Variants in DCC observed in about 807,000 individuals in gnomAD.
The protein encoded by DCC is netrin receptor DCC.
A neutral mutation model predicts 172.5 loss-of-function variants in DCC; 58 were observed. The ratio of observed to expected loss-of-function variants is 0.34; its 90% CI spans 0.27 to 0.42. The LOEUF is 0.42. DCC is among the 10% of genes least tolerant of loss of function. DCC has a pLI of 1.00. For missense variants in DCC, 1,740 were observed against 1,791.0 expected (o/e 0.97, Z 0.51); for synonymous variants, 709 against 644.5 (o/e 1.10, Z -1.52).
At chr18:52,895,094 G>A (rs1477765734) in intron 2 of DCC, among the ~76,000 whole-genome samples, 2 of 152,110 alleles carry the variant, frequency 1.3e-5, no homozygotes, top group Non-Finnish European at 2.9e-5. Context: ...ATAGGGAAAG[G>A]GTGGTGACAG....
At chr18:53,416,553 G>A (rs748749174) in intron 21 of DCC, 16 of 250,856 alleles carry the variant, frequency 6.4e-5, no homozygotes, top group Non-Finnish European at 1.1e-4. Context: ...GAGAAAACCC[G>A]TAAATTATGT....
At chr18:53,113,331 G>A (rs559924320) in intron 7 of DCC, among the ~76,000 whole-genome samples, 1 of 151,278 alleles carries the variant, frequency 6.6e-6, no homozygotes, top group East Asian at 2.0e-4. Context: ...TTATTAATTC[G>A]ATTTCAATAC....
chr18:52,959,998 A>G (rs944298099), intron 5 of DCC, among the ~76,000 whole-genome samples: 3 of 152,074 alleles, frequency 2.0e-5, no homozygotes, highest in Admixed American at 6.6e-5. Context: ...CATGCTAGAC[A>G]CTGAAATTAC....
In DCC at chr18:53,352,923, G is replaced by A. The variant is rs1383695303; in HGVS notation, c.2359+13016G>A. ...GCTATAACTGTTTTGCTTCTTCAGT[G>A]GTTGCTTTAAAATTTATATTATATA... On this transcript the variant is annotated intron_variant, in intron 15 of 28. Coordinates refer to ENST00000442544, the MANE Select transcript of DCC (RefSeq NM_005215.4). Among the ~76,000 whole-genome samples the A allele has an allele frequency of 2.6e-5, 4 of 151,988 alleles. No individual in the cohort carries two copies. In the East Asian group the frequency reaches 7.7e-4, roughly 29 times the overall value.
intron 25 of DCC, among the ~76,000 whole-genome samples, chr18:53,472,735 AT>A (rs1334838773): frequency 3.3e-5 from 5 of 152,266 alleles, no homozygotes; most frequent in African/African-American, 1.2e-4. Flanking sequence ...CGGCTCTAGC[AT>A]CTTCCAGACT....
chr18:53,470,737 A>G (rs372108915), intron 25 of DCC, among the ~76,000 whole-genome samples: 5 of 152,066 alleles, frequency 3.3e-5, no homozygotes, highest in East Asian at 1.9e-4. Context: ...GAGAGAGAGA[A>G]AAAACGAAGG....
intron 1 of DCC, among the ~76,000 whole-genome samples, chr18:52,628,194 C>T (rs190065392): frequency 1.9e-3 from 283 of 152,090 alleles, no homozygotes; most frequent in Middle Eastern, 3.4e-3. Flanking sequence ...CCTTGAAAGA[C>T]TTTTTTTTCA....
chr18:53,116,387 T>C (rs2043409406), intron 7 of DCC, among the ~76,000 whole-genome samples: 3 of 151,716 alleles, frequency 2.0e-5, no homozygotes, highest in Non-Finnish European at 3.0e-5. Flanking sequence ...AGTGACAAAG[T>C]CATCTAGTTG....
At chr18:53,116,695 C>A (rs777888999) in intron 7 of DCC, among the ~76,000 whole-genome samples, 1 of 151,638 alleles carries the variant, frequency 6.6e-6, no homozygotes, top group African/African-American at 2.4e-5. Context: ...TGCTTTAAAT[C>A]CAGTTCAATA....
chr18:52,362,374 C>A (rs1358237439), intron 1 of DCC, among the ~76,000 whole-genome samples: 1 of 152,174 alleles, frequency 6.6e-6, no homozygotes, highest in Non-Finnish European at 1.5e-5. Context: ...TGAATTTATG[C>A]CAAGACCTCA....
At chr18:53,511,555 C>A (rs1434688260) in intron 27 of DCC, among the ~76,000 whole-genome samples, 2 of 152,230 alleles carry the variant, frequency 1.3e-5, no homozygotes, top group Non-Finnish European at 2.9e-5. Flanking sequence ...GTACCGGGTT[C>A]ATCTCACTAG....
chr18:53,285,191 C>T (rs1305419906), intron 12 of DCC, among the ~76,000 whole-genome samples: 1 of 152,150 alleles, frequency 6.6e-6, no homozygotes, highest in Non-Finnish European at 1.5e-5. Context: ...GAATGTTAAT[C>T]CCCAAAGCAA....
Position 53,182,948 on chromosome 18 carries a change from G to A in DCC, c.1573+3832G>A, listed in dbSNP as rs189752421. Among the ~76,000 whole-genome samples, 166 of 152,214 alleles carry A rather than the reference G, an allele frequency of 1.1e-3. 1 individual carries two copies. The highest frequency in any genetic ancestry group is 6.5e-4 in the Non-Finnish European group (44 of 67,972). ...GTGGCAAGATCAGGTTAAAGAAAACGTTTTCATCAATATTTCTTTTCTGAC... is the reference window on the plus strand; with the variant it reads ...GTGGCAAGATCAGGTTAAAGAAAACATTTTCATCAATATTTCTTTTCTGAC... On this transcript the variant is annotated intron_variant, in intron 9 of 28. Coordinates refer to ENST00000442544, the MANE Select transcript of DCC (RefSeq NM_005215.4).
intron 12 of DCC, among the ~76,000 whole-genome samples, chr18:53,269,671 A>G (rs750117639): frequency 2.0e-5 from 3 of 152,158 alleles, no homozygotes; most frequent in African/African-American, 4.8e-5. Flanking sequence ...TGATAGCTCC[A>G]TGTGGTCAAG....
At chr18:52,717,448 T>TTTTC (rs1555651531) in intron 1 of DCC, among the ~76,000 whole-genome samples, 4 of 145,554 alleles carry the variant, frequency 2.7e-5, no homozygotes, top group Admixed American at 6.9e-5. Context: ...TTTTTTTTTT[T>TTTTC]CCAAAAAAAG....
intron 1 of DCC, among the ~76,000 whole-genome samples, chr18:52,376,219 A>T (rs2144311647): frequency 6.6e-6 from 1 of 152,298 alleles, no homozygotes; most frequent in East Asian, 1.9e-4. Flanking sequence ...TGAGGTCCTC[A>T]ATTGGAGGAA....
At chr18:52,538,400 G>C (rs887244001) in intron 1 of DCC, among the ~76,000 whole-genome samples, 12 of 152,128 alleles carry the variant, frequency 7.9e-5, no homozygotes, top group African/African-American at 2.2e-4. Flanking sequence ...TACTGTTACA[G>C]TAAGACAATA....
chr18:53,389,415 G>A (rs187434841), intron 16 of DCC, among the ~76,000 whole-genome samples: 23 of 152,212 alleles, frequency 1.5e-4, no homozygotes, highest in African/African-American at 5.5e-4. Flanking sequence ...GCACGATAAC[G>A]CTCTGCTTTG....
At chr18:52,634,392 A>G (rs932608807) in intron 1 of DCC, among the ~76,000 whole-genome samples, 3 of 152,230 alleles carry the variant, frequency 2.0e-5, no homozygotes, top group African/African-American at 7.2e-5. Context: ...TTGTAAATTC[A>G]TTACCAAAGT....
Sources: gnomAD v4.1 joint callset for allele counts (sites outside exome capture counted in the v4.1 genomes callset) on GRCh38, gnomAD v4.1.1 for gene constraint, MANE v1.5 for transcripts, NCBI Gene and HGNC (gene_info 2026-07-23, HGNC 2026-07-21) for gene names.